The following HIF3A variants were observed in gnomAD, a reference collection of about 807,000 sequenced individuals.
HIF3A encodes the protein hypoxia-inducible factor 3-alpha.
In HIF3A, 41 loss-of-function variants were observed where a neutral mutation model predicts 67.2. The observed-to-expected ratio is 0.61, with a 90% CI of 0.48 to 0.79. HIF3A has a LOEUF of 0.79. Among genes scored for constraint, HIF3A ranks in the 30% least tolerant of loss-of-function variants. The pLI, the probability that HIF3A is intolerant of heterozygous loss-of-function variation, is 0.00. For synonymous variants in HIF3A, 356 were observed against 374.8 expected, an observed-to-expected ratio of 0.95 and a Z score of 0.58; for missense variants, 855 against 898.0, an observed-to-expected ratio of 0.95 and a Z score of 0.61.
chr19:46,311,203 T>G (rs543285594), intron 6 of HIF3A, among the ~76,000 whole-genome samples: 16 of 152,326 alleles, frequency 1.1e-4, no homozygotes, highest in African/African-American at 3.8e-4. Context: ...TCTCTTCCCT[T>G]GTATTAGTTC....
Position 46,312,203 on chromosome 19 carries a change from C to G in HIF3A, c.813C>G (p.Gly271=). The G allele has an allele frequency of 6.2e-7, 1 of 1,614,102 alleles. No homozygotes were observed. The highest frequency in any genetic ancestry group is 8.5e-7 in the Non-Finnish European group (1 of 1,180,016). The change falls in exon 7 of 15, where the codon GGC becomes GGG. Residue 271 remains glycine, a synonymous_variant. Transcript: ENST00000377670. ...GCTATAGTCCCGATGACCTGATCGG[C>G]TGTTCCGCCTACGAGTACATCCACG... ...VAGYSPDDLI[G]CSAYEYIHAL...
chr19:46,321,996 G>GCAT, intron 10 of HIF3A, 30 bp downstream of exon 10: 10 of 1,607,494 alleles, frequency 6.2e-6, no homozygotes, highest in Non-Finnish European at 8.5e-6. Flanking sequence ...TGAGCCCTCA[G>GCAT]CATCCAGTGC....
rs1968615337 is a variant in HIF3A at position 46,304,222 on chromosome 19, G to A, written c.217+134G>A. ...GCCCCCTGGTGTCGTTTTTTTCGGCGGAGCCCCACCCCCCTGGAATCGACT... is the reference window on the plus strand; with the variant it reads ...GCCCCCTGGTGTCGTTTTTTTCGGCAGAGCCCCACCCCCCTGGAATCGACT... On this transcript the variant is annotated intron_variant, in intron 2 of 14. Coordinates refer to ENST00000377670, the MANE Select transcript of HIF3A (RefSeq NM_152795.4). The A allele has an allele frequency of 3.0e-5, 22 of 724,540 alleles. No individual in the cohort carries two copies. The South Asian group carries it at 3.7e-4, about 12-fold the overall frequency. The allele number at this position is 724,540 out of a possible 1,614,324, so 44.9% of individuals were successfully genotyped here. A position where few individuals can be genotyped will look rare whatever the true frequency, so the allele number is the denominator to read the frequency against.
intron 13 of HIF3A, 26 bp from the exon 14 acceptor site, chr19:46,334,873 ATGATGG>A (rs1601373210): frequency 6.4e-7 from 1 of 1,558,064 alleles, no homozygotes; most frequent in African/African-American, 1.4e-5. Context: ...AATGATGATG[ATGATGG>A]TGGTGGCTTT....
chr19:46,336,471 G>C (rs868837422), intron 14 of HIF3A, among the ~76,000 whole-genome samples: 9 of 151,966 alleles, frequency 5.9e-5, no homozygotes, highest in Non-Finnish European at 8.8e-5. Flanking sequence ...GGGCTCAAGC[G>C]ATCCTCCCAC....
intron 3 of HIF3A, among the ~76,000 whole-genome samples, chr19:46,305,995 T>C (rs11673299): frequency 0.27 from 40,412 of 151,980 alleles, 5,702 homozygotes; most frequent in East Asian, 0.49. Flanking sequence ...GGGAAGATCA[T>C]GTGAGCCTGG....
At chr19:46,331,685 G>A (rs561187892) in intron 13 of HIF3A, among the ~76,000 whole-genome samples, 58 of 151,462 alleles carry the variant, frequency 3.8e-4, no homozygotes, top group Admixed American at 1.8e-3. Context: ...GAGATACCCC[G>A]TCTCTACTAA....
chr19:46,332,997 AC>A (rs1482627493), intron 13 of HIF3A, among the ~76,000 whole-genome samples: 7 of 151,200 alleles, frequency 4.6e-5, no homozygotes, highest in Non-Finnish European at 7.4e-5. Context: ...AAAAAAAAAA[AC>A]AACCTCTCTC....
At chr19:46,329,902 A>G (rs1971064261) in intron 12 of HIF3A, among the ~76,000 whole-genome samples, 1 of 147,468 alleles carries the variant, frequency 6.8e-6, no homozygotes, top group South Asian at 2.1e-4. Context: ...TCGAGGCTGC[A>G]GCGAGCTGTG....
At chr19:46,307,542 G>A (rs1280648033) in intron 3 of HIF3A, among the ~76,000 whole-genome samples, 1 of 152,174 alleles carries the variant, frequency 6.6e-6, no homozygotes, top group African/African-American at 2.4e-5. Context: ...GAGGTCAGGA[G>A]TTCGAGACCA....
rs1336257876 is a variant in HIF3A, at chr19:46,342,125, A to G, written c.*2503A>G. The G allele has an allele frequency of 6.6e-6, 1 of 152,178 alleles. No homozygotes were observed. Among genetic ancestry groups the G allele is most frequent in the Non-Finnish European group, 1.5e-5 (1 of 68,052 alleles). The allele number at this position is 152,178 out of a possible 1,614,324, so 9.4% of individuals were successfully genotyped here. A position where few individuals can be genotyped will look rare whatever the true frequency, so the allele number is the denominator to read the frequency against. On this transcript the variant is annotated 3_prime_UTR_variant, in exon 15 of 15. Coordinates refer to ENST00000377670, the MANE Select transcript of HIF3A (RefSeq NM_152795.4). ...TGCTGTTTCTCTGGTTCTAGAACTG[A>G]CTTACAAGTGCCTTCTGATTCTAGA...
At chr19:46,312,444 A>G (rs1260558181) in intron 7 of HIF3A, 62 bp from the exon 8 acceptor site, 1 of 1,592,640 alleles carries the variant, frequency 6.3e-7, no homozygotes, top group Non-Finnish European at 8.5e-7. Context: ...CCCAGTCCCC[A>G]GATATTTCTC....
At chr19:46,315,742 C>T (rs973578323) in intron 8 of HIF3A, among the ~76,000 whole-genome samples, 2 of 151,808 alleles carry the variant, frequency 1.3e-5, no homozygotes, top group African/African-American at 2.4e-5. Flanking sequence ...GGCGAAACAC[C>T]GTCTCCACTG....
At chr19:46,318,833 C>G (rs1339662606) in intron 8 of HIF3A, among the ~76,000 whole-genome samples, 1 of 152,028 alleles carries the variant, frequency 6.6e-6, no homozygotes, top group African/African-American at 2.4e-5. Context: ...GTGGGCCAGG[C>G]TGATCTTGAA....
chr19:46,308,619 G>T, intron 4 of HIF3A, 44 bp from the exon 5 acceptor site: 1 of 1,227,790 alleles, frequency 8.1e-7, no homozygotes, highest in Non-Finnish European at 1.2e-6. Flanking sequence ...CTGGGCCTGT[G>T]TGTAGCTGCC....
At chr19:46,336,677 G>T (rs1971647390) in intron 14 of HIF3A, among the ~76,000 whole-genome samples, 1 of 144,506 alleles carries the variant, frequency 6.9e-6, no homozygotes, top group African/African-American at 2.5e-5. Flanking sequence ...GTGAGCCACC[G>T]CACCAGGCCC....
chr19:46,312,267 T>G lies in HIF3A; in HGVS notation c.877T>G (p.Leu293Val). Residue 293 changes from leucine (L) to valine (V), a missense_variant and splice_region_variant, in exon 7 of 15, where the codon TTG becomes GTG. Physicochemically the swap from Leu to Val is conservative, Grantham distance 32. Coordinates refer to ENST00000377670, the MANE Select transcript of HIF3A (RefSeq NM_152795.4). ...TGCGGTCAGCAAGAGCATCCACACCTGTATGTATCCCATTTCCCCAGGTGC... is the reference window on the plus strand; with the variant it reads ...TGCGGTCAGCAAGAGCATCCACACCGGTATGTATCCCATTTCCCCAGGTGC... ...SDAVSKSIHTLLSKGQAVTGQ... is the reference protein window; with the variant it reads ...SDAVSKSIHTVLSKGQAVTGQ... 1 of 1,613,908 alleles carries G rather than the reference T, an allele frequency of 6.2e-7. No homozygotes were observed. The highest frequency in any genetic ancestry group is 8.5e-7 in the Non-Finnish European group (1 of 1,179,950).
At position 46,312,729 on chromosome 19, in the gene HIF3A, G is replaced by A. The variant is rs1226110797; in HGVS notation, c.1025+76G>A. The stretch of plus-strand genomic sequence containing the variant: ...TGTGGACAGGTGTGTGTGTGTGTGT[G>A]TGTGTGTGCGTATGAGCATGCATGT... On this transcript the variant is annotated intron_variant, in intron 8 of 14. Coordinates refer to ENST00000377670, the MANE Select transcript of HIF3A (RefSeq NM_152795.4). 5 of 1,508,374 alleles carry A rather than the reference G, an allele frequency of 3.3e-6. No homozygotes were observed. In the Admixed American group the frequency reaches 9.1e-5, roughly 28 times the overall value. The allele number at this position is 1,508,374 out of a possible 1,614,324, so 93.4% of individuals were successfully genotyped here.
rs114330608 is a variant in HIF3A, at chr19:46,331,222, A to G, written c.1779A>G (p.Lys593=). 655 of 1,614,070 alleles carry G rather than the reference A, an allele frequency of 4.1e-4. 4 individuals carry two copies. The African/African-American group carries it at 7.8e-3, about 19-fold the overall frequency. ...GVELLGVRPP[K]RSPSPEHENF... Reference sequence around the variant, plus strand: ...AGCTGCTGGGAGTGAGACCTCCCAAAAGGTCCCCCAGCCCAGAACACGAAA... The same window carrying G: ...AGCTGCTGGGAGTGAGACCTCCCAAGAGGTCCCCCAGCCCAGAACACGAAA... Residue 593 remains lysine, a synonymous_variant, in exon 13 of 15, where the codon AAA becomes AAG. Transcript: ENST00000377670.
Sources: allele counts gnomAD v4.1 joint callset (sites outside exome capture counted in the v4.1 genomes callset), GRCh38; gene constraint gnomAD v4.1.1; transcripts MANE v1.5; gene names NCBI Gene and HGNC (gene_info 2026-07-23, HGNC 2026-07-21).